The following CNOT2 variants were observed in gnomAD, a reference collection of about 807,000 sequenced individuals.
CNOT2 encodes the protein CCR4-NOT transcription complex subunit 2.
In CNOT2, 7 loss-of-function variants were observed where a neutral mutation model predicts 72.1. The ratio of observed to expected loss-of-function variants is 0.10; its 90% confidence interval spans 0.06 to 0.18. CNOT2 has a LOEUF of 0.18. CNOT2 is among the 10% of genes least tolerant of loss of function. The pLI is 1.00. For missense variants in CNOT2, 345 were observed against 660.3 expected, an observed-to-expected ratio of 0.52 and a Z score of 5.23; for synonymous variants, 196 against 225.6, an observed-to-expected ratio of 0.87 and a Z score of 1.17.
rs1354679943 is a variant in CNOT2, at chr12:70,287,438, A to G, written c.48+9164A>G. ...ACTGTTCTTTAATCTTACGTTTTTA[A>G]TTTTCCAGGTAATTATCAGGTTTGT... is the stretch of plus-strand genomic sequence containing the variant. On this transcript the variant is annotated intron_variant, in intron 2 of 15. Coordinates refer to ENST00000229195, the MANE Select transcript of CNOT2 (RefSeq NM_014515.7). 4.0e-5 allele frequency among the ~76,000 whole-genome samples: 6 copies of G among 148,478 alleles called. 2 individuals carry two copies. The highest frequency in any genetic ancestry group is 1.5e-4 in the African/African-American group (6 of 40,862).
At chr12:70,272,126 C>T (rs1342942333) in intron 1 of CNOT2, among the ~76,000 whole-genome samples, 2 of 152,092 alleles carry the variant, frequency 1.3e-5, no homozygotes, top group Non-Finnish European at 2.9e-5. Context: ...AATGATGTTT[C>T]CATAAAATTA....
chr12:70,290,677 A>C (rs900295115), intron 2 of CNOT2: 10 of 151,942 alleles, frequency 6.6e-5, no homozygotes, highest in African/African-American at 2.4e-4. Flanking sequence ...TGAAAGTCTT[A>C]ATGTTTCATT....
At chr12:70,298,156 A>C (rs1468766968) in intron 2 of CNOT2, among the ~76,000 whole-genome samples, 2 of 152,218 alleles carry the variant, frequency 1.3e-5, no homozygotes, top group African/African-American at 4.8e-5. Flanking sequence ...CTTTTGTCTC[A>C]CATGTCTATA....
In CNOT2 at chr12:70,310,991, A is replaced by G. The variant is rs138621902; in HGVS notation, c.145A>G (p.Met49Val). 50 of 1,599,708 alleles carry G rather than the reference A, an allele frequency of 3.1e-5. No individual in the cohort carries two copies. Among genetic ancestry groups the G allele is most frequent in the Middle Eastern group, 1.7e-4 (1 of 6,060 alleles). ...AAACATGTACTACAGCCAGTCTTCT[A>G]TGTTTCCACATCGGTCAGAAAAAGA... ...DENMYYSQSS[M>V]FPHRSEKDML... Residue 49 changes from methionine to valine, a missense_variant, in exon 3 of 16, where the codon ATG (methionine) becomes GTG (valine). Physicochemically the swap from Met to Val is conservative, Grantham distance 21. Transcript: ENST00000229195.
At chr12:70,320,087 A>G (rs889975102) in intron 4 of CNOT2, among the ~76,000 whole-genome samples, 1 of 151,744 alleles carries the variant, frequency 6.6e-6, no homozygotes, top group Non-Finnish European at 1.5e-5. Flanking sequence ...GTATGATTTT[A>G]TCATCTCTGT....
chr12:70,278,349 A>T (rs1869215124), intron 2 of CNOT2, 75 bp downstream of exon 2: 8 of 1,116,284 alleles, frequency 7.2e-6, no homozygotes, highest in Non-Finnish European at 1.1e-5. Flanking sequence ...TGTTATATGT[A>T]ATTGGAACCA....
intron 15 of CNOT2, among the ~76,000 whole-genome samples, chr12:70,350,285 G>A (rs999048333): frequency 6.6e-6 from 1 of 151,960 alleles, no homozygotes; most frequent in Admixed American, 6.6e-5. Flanking sequence ...ATTTGACCTC[G>A]TGGATCTATC....
chr12:70,331,448 G>A (rs1238354850), intron 6 of CNOT2: 2 of 151,496 alleles, frequency 1.3e-5, no homozygotes, highest in African/African-American at 4.8e-5. Context: ...TCATATCTTT[G>A]TGCGTTCTCA....
intron 3 of CNOT2, 86 bp from the exon 4 acceptor site, chr12:70,319,212 A>T: frequency 9.5e-7 from 1 of 1,057,376 alleles, no homozygotes; most frequent in Non-Finnish European, 1.4e-6. Context: ...TTTCACATTT[A>T]TGGTATGATT....
chr12:70,340,353 C>T (rs147134307), intron 11 of CNOT2, among the ~76,000 whole-genome samples: 1 of 152,236 alleles, frequency 6.6e-6, no homozygotes, highest in Non-Finnish European at 1.5e-5. Context: ...TCCTTTTCTT[C>T]TTGACCTCAG....
intron 6 of CNOT2, chr12:70,332,388 A>C (rs1349942798): frequency 6.4e-6 from 1 of 155,904 alleles, no homozygotes; most frequent in Admixed American, 6.5e-5. Flanking sequence ...AAAGAAGAAA[A>C]ACAACTATTT....
intron 1 of CNOT2, among the ~76,000 whole-genome samples, chr12:70,277,463 G>A (rs61929913): frequency 1.3e-4 from 19 of 151,678 alleles, no homozygotes; most frequent in African/African-American, 3.4e-4. Context: ...TTATTTTTTC[G>A]CCCAATGTAA....
intron 1 of CNOT2, among the ~76,000 whole-genome samples, chr12:70,277,020 G>A (rs1406471671): frequency 1.3e-5 from 2 of 151,846 alleles, no homozygotes; most frequent in Non-Finnish European, 2.9e-5. Context: ...ATATATATGT[G>A]TACATGTGTG....
At chr12:70,280,146 T>G (rs1565760704) in intron 2 of CNOT2, among the ~76,000 whole-genome samples, 1 of 152,208 alleles carries the variant, frequency 6.6e-6, no homozygotes, top group Non-Finnish European at 1.5e-5. Flanking sequence ...TTTTATATTC[T>G]TAATATATTC....
intron 4 of CNOT2, among the ~76,000 whole-genome samples, chr12:70,326,793 T>A (rs1380526814): frequency 6.6e-6 from 1 of 151,890 alleles, no homozygotes; most frequent in East Asian, 1.9e-4. Flanking sequence ...TTATACTACT[T>A]CAACAAAATT....
chr12:70,310,099 T>C (rs2135953487), intron 2 of CNOT2, among the ~76,000 whole-genome samples: 1 of 152,202 alleles, frequency 6.6e-6, no homozygotes, highest in Non-Finnish European at 1.5e-5. Context: ...ATTTAAAGTA[T>C]ATGAAAGGAT....
At chr12:70,255,778 A>G (rs1449565316) in intron 1 of CNOT2, among the ~76,000 whole-genome samples, 2 of 152,222 alleles carry the variant, frequency 1.3e-5, no homozygotes, top group African/African-American at 4.8e-5. Context: ...TTAGTTTGCT[A>G]TTCAATTCTT....
chr12:70,329,669 GT>G (rs1231336987), intron 5 of CNOT2, 99 bp downstream of exon 5: 1 of 838,066 alleles, frequency 1.2e-6, no homozygotes, highest in Non-Finnish European at 2.0e-6. Context: ...TGATTTTCTG[GT>G]TCAGTGCCTT....
At position 70,348,265 on chromosome 12, in the gene CNOT2, T is replaced by C. The variant is rs145223497; in HGVS notation, c.1536+1941T>C. ...CTGATTGTTAATTAGGTTAGGTCAT[T>C]GGTTCTCAAACTATAGCTTGTATCA... On this transcript the variant is annotated intron_variant, in intron 15 of 15. Transcript: ENST00000229195. Among the ~76,000 whole-genome samples, 370 of 152,330 alleles carry C rather than the reference T, an allele frequency of 2.4e-3. 1 individual carries two copies. Among genetic ancestry groups the C allele is most frequent in the African/African-American group, 8.6e-3 (359 of 41,578 alleles).
Sources: allele counts gnomAD v4.1 joint callset (sites outside exome capture counted in the v4.1 genomes callset), GRCh38; gene constraint gnomAD v4.1.1; transcripts MANE v1.5; gene names NCBI Gene and HGNC (gene_info 2026-07-23, HGNC 2026-07-21).